The following RAB6A variants were observed in gnomAD, a reference collection of about 807,000 sequenced individuals.
RAB6A encodes the protein ras-related protein Rab-6A.
A neutral mutation model predicts 32.3 loss-of-function variants in RAB6A; 8 were observed. That is an observed-to-expected ratio of 0.25 (90% CI 0.15 to 0.45). RAB6A has a LOEUF of 0.45. Among genes scored for constraint, RAB6A ranks in the 20% least tolerant of loss-of-function variants. The pLI is 1.00. For missense variants in RAB6A, 104 were observed against 249.4 expected (o/e 0.42, Z 3.93); for synonymous variants, 73 against 82.1 (o/e 0.89, Z 0.60).
At chr11:73,718,496 CT>C in intron 4 of RAB6A, 116 bp downstream of exon 4, 1 of 835,590 alleles carries the variant, frequency 1.2e-6, no homozygotes, top group African/African-American at 1.7e-5. Context: ...ATGTAATTTA[CT>C]ATGATAAAAC....
chr11:73,756,135 G>T (rs114604337), intron 1 of RAB6A, among the ~76,000 whole-genome samples: 1 of 151,436 alleles, frequency 6.6e-6, no homozygotes, highest in Non-Finnish European at 1.5e-5. Flanking sequence ...GGAGGATCTC[G>T]CCAGCTCAAA....
chr11:73,718,912 A>AG, intron 3 of RAB6A, 194 bp from the exon 4 acceptor site: 1 of 1,551,012 alleles, frequency 6.4e-7, no homozygotes, highest in Non-Finnish European at 8.7e-7. Context: ...GAAAAAATAA[A>AG]TAAAAAAAAA....
chr11:73,729,871 C>G (rs1388960029), intron 2 of RAB6A: 1 of 153,040 alleles, frequency 6.5e-6, no homozygotes, highest in South Asian at 2.1e-4. Flanking sequence ...AACCCCAGAA[C>G]CCCTGAAATT....
intron 2 of RAB6A, among the ~76,000 whole-genome samples, chr11:73,726,765 A>T (rs997578693): frequency 6.6e-6 from 1 of 151,072 alleles, no homozygotes; most frequent in Non-Finnish European, 1.5e-5. Flanking sequence ...AAAAAAAATT[A>T]GAAGAAAAAT....
intron 6 of RAB6A, among the ~76,000 whole-genome samples, chr11:73,681,313 T>C (rs1403335141): frequency 1.3e-5 from 2 of 152,148 alleles, no homozygotes; most frequent in African/African-American, 4.8e-5. Context: ...TGTAACAAGG[T>C]CCAACTCAGG....
chr11:73,714,320 T>C (rs1166843209), intron 5 of RAB6A, among the ~76,000 whole-genome samples: 10 of 151,208 alleles, frequency 6.6e-5, no homozygotes, highest in African/African-American at 2.2e-4. Flanking sequence ...CCTCCTCAGA[T>C]AACTCTGGCT....
Position 73,704,973 on chromosome 11 carries a change from A to G in RAB6A, c.495+2447T>C, listed in dbSNP as rs191135180. On this transcript the variant is annotated intron_variant, in intron 6 of 7. Coordinates refer to ENST00000336083, the MANE Select transcript of RAB6A (RefSeq NM_198896.2). ...ATCACGCCACTGCACTCCAGCCTCG[A>G]TGACAGAGCGAGACTCCATCTCGAA... 5.4e-3 allele frequency among the ~76,000 whole-genome samples: 826 copies of G among 152,086 alleles called. 8 individuals are homozygous for G. The highest frequency in any genetic ancestry group is 0.018 in the African/African-American group (754 of 41,488).
chr11:73,742,893 G>A (rs1946520916), intron 1 of RAB6A, among the ~76,000 whole-genome samples: 1 of 152,042 alleles, frequency 6.6e-6, no homozygotes, highest in Admixed American at 6.6e-5. Context: ...TAGGAAATAA[G>A]GAGGTTGGGG....
intron 1 of RAB6A, among the ~76,000 whole-genome samples, chr11:73,739,183 T>C (rs1455629887): frequency 7.0e-6 from 1 of 142,118 alleles, no homozygotes; most frequent in Admixed American, 7.4e-5. Flanking sequence ...AAGTGGAGGC[T>C]GCAGGGAGCC....
chr11:73,684,104 G>A (rs939086611), intron 6 of RAB6A, among the ~76,000 whole-genome samples: 1 of 151,594 alleles, frequency 6.6e-6, no homozygotes, highest in South Asian at 2.1e-4. Context: ...AGAAGGCTAC[G>A]ATCAGATGAT....
In RAB6A at chr11:73,727,707, A is replaced by G. The variant is rs553781485; in HGVS notation, c.129+3058T>C. Reference sequence around the variant, plus strand: ...CCATATTCCTGAAATAAATACTTCAAATGTGGAAAAATACATACTAAGAGG... The same window carrying G: ...CCATATTCCTGAAATAAATACTTCAGATGTGGAAAAATACATACTAAGAGG... On this transcript the variant is annotated intron_variant, in intron 2 of 7. Transcript: ENST00000336083. 2.2e-4 allele frequency among the ~76,000 whole-genome samples: 34 copies of G among 152,294 alleles called. 1 individual carries two copies. In the South Asian group the frequency reaches 7.0e-3, roughly 32 times the overall value.
intron 6 of RAB6A, among the ~76,000 whole-genome samples, chr11:73,704,578 G>A (rs1002051152): frequency 5.3e-5 from 8 of 151,482 alleles, no homozygotes; most frequent in East Asian, 1.9e-4. Flanking sequence ...CCAGCTACTC[G>A]GGAGGCTGCG....
intron 7 of RAB6A, 129 bp from the exon 8 acceptor site, chr11:73,678,091 A>G: frequency 1.1e-6 from 1 of 922,572 alleles, no homozygotes. Flanking sequence ...TTTTCTACAT[A>G]GCCGCCTCAC....
chr11:73,718,627 A>C lies in RAB6A; in HGVS notation c.275T>G (p.Val92Gly). ...CCTCCACTCACTTGTGATATCATAA[A>C]CAACAACTGCCACAGTGGAGTCACG... ...YIRDSTVAVV[V>G]YDITNVNSFQ... Residue 92 changes from valine to glycine, a missense_variant, in exon 4 of 8, where the codon GTT becomes GGT. By Grantham distance (109) the Val-to-Gly change is moderately radical. Transcript: ENST00000336083. 2 of 1,613,366 alleles carry C rather than the reference A, an allele frequency of 1.2e-6. No individual in the cohort carries two copies. The highest frequency in any genetic ancestry group is 1.7e-6 in the Non-Finnish European group (2 of 1,179,630).
chr11:73,720,909 A>G lies in RAB6A; in HGVS notation c.130-10T>C, dbSNP rs1166545503. The G allele has an allele frequency of 1.3e-6, 2 of 1,596,470 alleles. No individual in the cohort carries two copies. The highest frequency in any genetic ancestry group is 1.7e-6 in the Non-Finnish European group (2 of 1,166,044). On this transcript the variant is annotated splice_polypyrimidine_tract_variant and intron_variant, in intron 2 of 7. Transcript: ENST00000336083. The stretch of plus-strand genomic sequence containing the variant: ...CAATGCCAATTGTTGCCTGTAAAAC[A>G]AAACAAAGAAGTTAACAAATAATAA...
intron 1 of RAB6A, chr11:73,759,972 G>T: frequency 3.3e-6 from 4 of 1,219,266 alleles, no homozygotes; most frequent in Non-Finnish European, 3.2e-6. Flanking sequence ...CAATTCAGAT[G>T]TTTCCTCTAT....
intron 2 of RAB6A, chr11:73,730,540 G>A: frequency 2.1e-6 from 1 of 465,286 alleles, no homozygotes; most frequent in Non-Finnish European, 3.8e-6. Context: ...AGATGATATT[G>A]GAGATATATT....
chr11:73,748,135 T>C (rs966247207), intron 1 of RAB6A, among the ~76,000 whole-genome samples: 2 of 152,184 alleles, frequency 1.3e-5, no homozygotes, highest in Non-Finnish European at 2.9e-5. Context: ...CTAATGGTGA[T>C]TTTTAAATTT....
chr11:73,687,098 C>T (rs1185287438), intron 6 of RAB6A, among the ~76,000 whole-genome samples: 1 of 151,912 alleles, frequency 6.6e-6, no homozygotes, highest in South Asian at 2.1e-4. Flanking sequence ...ATCTTGAGGA[C>T]ATTATGCAAG....
Sources: gnomAD v4.1 joint callset for allele counts (sites outside exome capture counted in the v4.1 genomes callset) on GRCh38, gnomAD v4.1.1 for gene constraint, MANE v1.5 for transcripts, NCBI Gene and HGNC (gene_info 2026-07-23, HGNC 2026-07-21) for gene names.